The following MAPK9 variants were observed in gnomAD, a reference collection of about 807,000 sequenced individuals.
MAPK9 encodes the protein Jun kinase.
MAPK9 carries 30 observed loss-of-function variants against 57.1 expected under a neutral mutation model. The observed-to-expected ratio is 0.53, with a 90% CI of 0.39 to 0.71. The LOEUF (loss-of-function observed/expected upper bound fraction) is 0.71, where lower values mean the gene tolerates loss of function less well. Ranked by LOEUF, MAPK9 falls within the 30% of genes least tolerant of loss-of-function variation. MAPK9 has a pLI of 0.00. For missense variants in MAPK9, 362 were observed against 521.0 expected (o/e 0.69, Z 2.97); for synonymous variants, 155 against 177.0 (o/e 0.88, Z 0.99).
intron 10 of MAPK9, 123 bp downstream of exon 10, chr5:180,239,801 G>A: frequency 1.2e-6 from 1 of 842,810 alleles, no homozygotes; most frequent in Non-Finnish European, 2.0e-6. Context: ...GGAGAAAGAG[G>A]CTAAGTGGGT....
intron 1 of MAPK9, among the ~76,000 whole-genome samples, chr5:180,286,335 G>A (rs1488361137): frequency 6.7e-6 from 1 of 150,164 alleles, no homozygotes; most frequent in African/African-American, 2.4e-5. Flanking sequence ...TAGTAGAGAT[G>A]GGGTTTCACT....
chr5:180,248,281 T>C (rs948662264), intron 6 of MAPK9, among the ~76,000 whole-genome samples: 5 of 152,054 alleles, frequency 3.3e-5, no homozygotes, highest in African/African-American at 9.7e-5. Context: ...AAGTTTTCTC[T>C]CCCCTCCACA....
At chr5:180,256,817 C>T (rs1759343508) in intron 5 of MAPK9, among the ~76,000 whole-genome samples, 2 of 152,126 alleles carry the variant, frequency 1.3e-5, no homozygotes, top group African/African-American at 2.4e-5. Context: ...TACCTTGGGG[C>T]CCAAGGGGGA....
intron 3 of MAPK9, among the ~76,000 whole-genome samples, chr5:180,265,761 T>C (rs1760473280): frequency 6.6e-6 from 1 of 152,136 alleles, no homozygotes; most frequent in Non-Finnish European, 1.5e-5. Flanking sequence ...TCATTCCAGA[T>C]GACTGAGGGA....
chr5:180,274,762 T>C (rs35782688), intron 2 of MAPK9, among the ~76,000 whole-genome samples: 1,682 of 152,310 alleles, frequency 0.011, 27 homozygotes, highest in African/African-American at 0.038. Flanking sequence ...AATCAATAGG[T>C]GTTGTTTTAA....
intron 5 of MAPK9, among the ~76,000 whole-genome samples, chr5:180,261,380 A>G (rs1007059406): frequency 3.3e-5 from 5 of 152,356 alleles, no homozygotes; most frequent in African/African-American, 1.2e-4. Context: ...TCTCTGTCCT[A>G]TTCTTGAAAT....
chr5:180,233,592 C>T lies in MAPK9; in HGVS notation c.*2792G>A, dbSNP rs572970775. The T allele has an allele frequency of 6.6e-6, 1 of 152,300 alleles. No homozygotes were observed. Among genetic ancestry groups the T allele is most frequent in the South Asian group, 2.1e-4 (1 of 4,832 alleles). 9.4% of individuals were successfully genotyped at this position (152,300 alleles called of 1,614,324 possible). A position where few individuals can be genotyped will look rare whatever the true frequency, so the allele number is the denominator to read the frequency against. ...ACACACAAAAATTGGACATGCTATA[C>T]ATTTATCTTTTAAAATGTAGTCTGT... On this transcript the variant is annotated 3_prime_UTR_variant, in exon 12 of 12. Transcript: ENST00000452135.
chr5:180,259,532 G>T (rs920441480), intron 5 of MAPK9, among the ~76,000 whole-genome samples: 1 of 152,084 alleles, frequency 6.6e-6, no homozygotes, highest in Non-Finnish European at 1.5e-5. Flanking sequence ...ACACTGGAGA[G>T]AAACCCTTTG....
rs554503699 is a variant in MAPK9 at position 180,271,366 on chromosome 5, G to C, written c.123-1957C>G. On this transcript the variant is annotated intron_variant, in intron 2 of 11. Coordinates refer to ENST00000452135, the MANE Select transcript of MAPK9 (RefSeq NM_002752.5). ...ACTATCTCTTCATTTATCAGCTTTA[G>C]AAATGATTCACCTACTCCCCATTAC... is the stretch of plus-strand genomic sequence containing the variant. Among the ~76,000 whole-genome samples, 3 of 152,264 alleles carry C rather than the reference G, an allele frequency of 2.0e-5. No individual in the cohort carries two copies. The East Asian group carries it at 5.8e-4, about 29-fold the overall frequency.
At position 180,235,463 on chromosome 5, in the gene MAPK9, A is replaced by G. The variant is rs1757106677; in HGVS notation, c.*921T>C. On this transcript the variant is annotated 3_prime_UTR_variant, in exon 12 of 12. Coordinates refer to ENST00000452135, the MANE Select transcript of MAPK9 (RefSeq NM_002752.5). ...TGATCTCTAGTGAGCATTTTGTAAA[A>G]TTCCACTCCAACGTTAGGCCATGGA... The G allele has an allele frequency of 6.6e-6, 1 of 152,226 alleles. No individual in the cohort carries two copies. The highest frequency in any genetic ancestry group is 1.5e-5 in the Non-Finnish European group (1 of 68,042). The allele number at this position is 152,226 out of a possible 1,614,324, so 9.4% of individuals were successfully genotyped here. A position where few individuals can be genotyped will look rare whatever the true frequency, so the allele number is the denominator to read the frequency against.
intron 2 of MAPK9, among the ~76,000 whole-genome samples, chr5:180,273,203 A>G (rs1021462561): frequency 6.1e-5 from 9 of 147,590 alleles, no homozygotes; most frequent in Admixed American, 4.8e-4. Context: ...CCTATTGACT[A>G]TTTGTTTGTC....
intron 5 of MAPK9, among the ~76,000 whole-genome samples, chr5:180,250,241 C>CTTAG (rs1390478969): frequency 6.6e-6 from 1 of 152,152 alleles, no homozygotes; most frequent in African/African-American, 2.4e-5. Context: ...TTCCACCTGA[C>CTTAG]TTGCAAAGCC....
At chr5:180,254,500 C>G (rs1759063945) in intron 5 of MAPK9, among the ~76,000 whole-genome samples, 1 of 152,098 alleles carries the variant, frequency 6.6e-6, no homozygotes, top group South Asian at 2.1e-4. Flanking sequence ...TTAACTCGTG[C>G]TTCAGAGAAA....
At chr5:180,289,174 C>T (rs939398162) in intron 1 of MAPK9, among the ~76,000 whole-genome samples, 1 of 152,122 alleles carries the variant, frequency 6.6e-6, no homozygotes, top group Non-Finnish European at 1.5e-5. Flanking sequence ...CTGGTTTACT[C>T]GCTATTAACT....
chr5:180,280,072 G>A (rs1441458466), intron 2 of MAPK9: 1 of 456,356 alleles, frequency 2.2e-6, no homozygotes, highest in Non-Finnish European at 4.4e-6. Flanking sequence ...AATAAAAGGG[G>A]AGGGGGGAAA....
At chr5:180,253,362 C>T (rs1758915201) in intron 5 of MAPK9, 1 of 152,602 alleles carries the variant, frequency 6.6e-6, no homozygotes, top group South Asian at 2.1e-4. Context: ...AAGCCCCACG[C>T]TACAGGGACA....
At position 180,242,626 on chromosome 5, in the gene MAPK9, T is replaced by A. The variant is rs1351324862; in HGVS notation, c.818A>T (p.Glu273Val). Residue 273 changes from glutamate (E) to valine (V), a missense_variant, in exon 8 of 12, where the codon GAA (glutamate) becomes GTA (valine). Physicochemically the swap from Glu to Val is moderately radical, Grantham distance 121. Coordinates refer to ENST00000452135, the MANE Select transcript of MAPK9 (RefSeq NM_002752.5). ...RPKYPGIKFE[E>V]LFPDWIFPSE... ...TGGGAATATCCAATCTGGAAAGAGT[T>A]CTTCAAATTTGATTCCAGGATACTT... 1 of 1,614,064 alleles carries A rather than the reference T, an allele frequency of 6.2e-7. No homozygotes were observed. The highest frequency in any genetic ancestry group is 2.2e-5 in the East Asian group (1 of 44,886).
At chr5:180,238,228 C>T in intron 11 of MAPK9, 104 bp downstream of exon 11, 5 of 801,246 alleles carry the variant, frequency 6.2e-6, no homozygotes, top group Middle Eastern at 2.6e-4. Context: ...AGAGATCGCG[C>T]CGCTGCTCTC....
At chr5:180,267,344 G>A (rs763101263) in intron 3 of MAPK9, among the ~76,000 whole-genome samples, 4 of 151,978 alleles carry the variant, frequency 2.6e-5, no homozygotes, top group Non-Finnish European at 2.9e-5. Context: ...GGCAGATCAC[G>A]AGGTCAGGAG....
Sources: gnomAD v4.1 joint callset for allele counts (sites outside exome capture counted in the v4.1 genomes callset) on GRCh38, gnomAD v4.1.1 for gene constraint, MANE v1.5 for transcripts, NCBI Gene and HGNC (gene_info 2026-07-23, HGNC 2026-07-21) for gene names.